The following COL11A1 variants were observed in gnomAD, a reference collection of about 807,000 sequenced individuals.
COL11A1 encodes the protein collagen alpha-1(XI) chain.
A neutral mutation model predicts 265.2 loss-of-function variants in COL11A1; 74 were observed. That is an observed-to-expected ratio of 0.28 (90% CI 0.23 to 0.34). The LOEUF is 0.34. COL11A1 is among the 10% of genes least tolerant of loss of function. The pLI, the probability that COL11A1 is intolerant of heterozygous loss-of-function variation, is 1.00. For missense variants in COL11A1, 2,165 were observed against 2,263.6 expected, an observed-to-expected ratio of 0.96 and a Z score of 0.88; for synonymous variants, 816 against 727.6, an observed-to-expected ratio of 1.12 and a Z score of -1.96.
chr1:102,954,602 T>G (rs1435395166), intron 41 of COL11A1, among the ~76,000 whole-genome samples: 1 of 152,172 alleles, frequency 6.6e-6, no homozygotes, highest in Non-Finnish European at 1.5e-5. Flanking sequence ...CCCAACACTT[T>G]GGGAGGCCGA....
intron 36 of COL11A1, among the ~76,000 whole-genome samples, chr1:102,974,248 A>G (rs1662252291): frequency 6.6e-6 from 1 of 152,220 alleles, no homozygotes; most frequent in Admixed American, 6.5e-5. Context: ...AAATATGAAA[A>G]CAAAGTATTT....
rs3841819 is a variant in COL11A1 at position 103,078,887 on chromosome 1, CA to C, written c.275-17del. 335 of 1,561,284 alleles carry C rather than the reference CA, an allele frequency of 2.1e-4. 2 individuals are homozygous for C. In the East Asian group the frequency reaches 7.4e-3, roughly 35 times the overall value. On this transcript the variant is annotated splice_polypyrimidine_tract_variant and intron_variant, in intron 2 of 66. Coordinates refer to ENST00000370096, the MANE Select transcript of COL11A1 (RefSeq NM_001854.4). ...AAAGTTCCACCTGAGAAGAAAAGGCCAAAGAGTTAGAAATTTCCAATTTCCA... is the reference window on the plus strand; with the variant it reads ...AAAGTTCCACCTGAGAAGAAAAGGCCAAGAGTTAGAAATTTCCAATTTCCA...
intron 4 of COL11A1, among the ~76,000 whole-genome samples, chr1:103,055,719 T>G (rs1383635982): frequency 6.6e-6 from 1 of 152,226 alleles, no homozygotes; most frequent in African/African-American, 2.4e-5. Flanking sequence ...TAAACTTTCT[T>G]AAAATACTAG....
chr1:103,086,050 C>T (rs372748552), intron 1 of COL11A1, among the ~76,000 whole-genome samples: 36 of 151,964 alleles, frequency 2.4e-4, no homozygotes, highest in African/African-American at 8.7e-4. Context: ...AAAAACTCTG[C>T]AAAAATAAAC....
intron 54 of COL11A1, among the ~76,000 whole-genome samples, chr1:102,910,381 A>G (rs1654507366): frequency 6.6e-6 from 1 of 152,064 alleles, no homozygotes; most frequent in Non-Finnish European, 1.5e-5. Flanking sequence ...ATAAATATGT[A>G]CTTTTTTGAC....
chr1:102,937,714 C>A (rs1658290682), intron 44 of COL11A1, among the ~76,000 whole-genome samples: 1 of 152,128 alleles, frequency 6.6e-6, no homozygotes, highest in Non-Finnish European at 1.5e-5. Context: ...TGACACAGAA[C>A]AAAAGCCCTC....
At chr1:103,040,649 T>C (rs959957787) in intron 4 of COL11A1, among the ~76,000 whole-genome samples, 1 of 151,622 alleles carries the variant, frequency 6.6e-6, no homozygotes, top group Non-Finnish European at 1.5e-5. Context: ...AAACATTTGT[T>C]GTCCAAAATA....
In COL11A1 at chr1:102,886,994, A is replaced by G; in HGVS notation, c.4671T>C (p.His1557=). Reference sequence around the variant, plus strand: ...CTGCATCTGCTTGCATGCCTTCAGTATGTCTTCTCGTTTTTTTGGAGGACA... The same window carrying G: ...CTGCATCTGCTTGCATGCCTTCAGTGTGTCTTCTCGTTTTTTTGGAGGACA... ...PILSSKKTRR[H]TEGMQADADD... Residue 1557 remains histidine (H), a synonymous_variant, in exon 63 of 67, where the codon CAT becomes CAC. Transcript: ENST00000370096. The G allele has an allele frequency of 6.2e-7, 1 of 1,613,878 alleles. No homozygotes were observed. The highest frequency in any genetic ancestry group is 2.2e-5 in the East Asian group (1 of 44,866).
intron 49 of COL11A1, among the ~76,000 whole-genome samples, 175 bp downstream of exon 49, chr1:102,920,136 C>T (rs938323791): frequency 4.6e-5 from 7 of 152,054 alleles, no homozygotes; most frequent in Admixed American, 2.6e-4. Context: ...AACCAAAACA[C>T]AATATTGCAA....
intron 31 of COL11A1, among the ~76,000 whole-genome samples, chr1:102,981,703 T>A (rs1663058598): frequency 6.6e-6 from 1 of 151,918 alleles, no homozygotes; most frequent in Admixed American, 6.6e-5. Context: ...GGCCATAAAG[T>A]CAAAGATTAA....
intron 28 of COL11A1, 111 bp downstream of exon 28, chr1:102,995,753 C>A (rs956766003): frequency 2.3e-6 from 2 of 863,598 alleles, no homozygotes; most frequent in Non-Finnish European, 3.9e-6. Context: ...ACTAGCATTG[C>A]GTAGTATGTA....
At chr1:103,080,115 C>T (rs1672288347) in intron 2 of COL11A1, among the ~76,000 whole-genome samples, 1 of 151,692 alleles carries the variant, frequency 6.6e-6, no homozygotes, top group African/African-American at 2.4e-5. Context: ...CGTATGCAGC[C>T]ACTTAATGTA....
At chr1:103,054,810 A>G (rs1046284582) in intron 4 of COL11A1, among the ~76,000 whole-genome samples, 1 of 152,166 alleles carries the variant, frequency 6.6e-6, no homozygotes, top group Non-Finnish European at 1.5e-5. Flanking sequence ...ATGAGGCAGG[A>G]GAATCACTTG....
At chr1:103,038,647 A>G (rs1557981055) in intron 4 of COL11A1, among the ~76,000 whole-genome samples, 1 of 152,140 alleles carries the variant, frequency 6.6e-6, no homozygotes, top group Non-Finnish European at 1.5e-5. Context: ...ATGTCATTTG[A>G]GTGTCATTTG....
chr1:103,014,019 G>A (rs1666344830), intron 13 of COL11A1, among the ~76,000 whole-genome samples: 1 of 151,814 alleles, frequency 6.6e-6, no homozygotes, highest in Non-Finnish European at 1.5e-5. Flanking sequence ...GATTAGGGTT[G>A]GTAAGAAATT....
chr1:103,008,701 T>G (rs1239915782), intron 14 of COL11A1, among the ~76,000 whole-genome samples, 185 bp from the exon 15 acceptor site: 1 of 152,232 alleles, frequency 6.6e-6, no homozygotes, highest in Non-Finnish European at 1.5e-5. Flanking sequence ...TTCTCAATGT[T>G]GATTACATTC....
In COL11A1 at chr1:102,886,899, T is replaced by C. The variant is rs1651052619; in HGVS notation, c.4766A>G (p.Asp1589Gly). 1 of 1,613,748 alleles carries C rather than the reference T, an allele frequency of 6.2e-7. No homozygotes were observed. Among genetic ancestry groups the C allele is most frequent in the South Asian group, 1.1e-5 (1 of 91,084 alleles). Residue 1589 changes from aspartate (D) to glycine (G), a missense_variant, in exon 63 of 67, where the codon GAC becomes GGC. Coordinates refer to ENST00000370096, the MANE Select transcript of COL11A1 (RefSeq NM_001854.4). ...IFGSLNSLKQDIEHMKFPMGT... is the reference protein window; with the variant it reads ...IFGSLNSLKQGIEHMKFPMGT... ...CATTGGAAATTTCATATGCTCAATG[T>C]CTTGTTTCAGGGAATTGAGGGAACC...
At chr1:103,038,134 A>G (rs1344505465) in intron 4 of COL11A1, among the ~76,000 whole-genome samples, 1 of 152,156 alleles carries the variant, frequency 6.6e-6, no homozygotes, top group Admixed American at 6.6e-5. Context: ...AAGCATCTTA[A>G]ACAAAACTTT....
Position 102,883,217 on chromosome 1 carries a change from T to G in COL11A1, c.4953A>C (p.Pro1651=). The stretch of plus-strand genomic sequence containing the variant: ...TACTTACTCCCTCAGATTTTTTGTC[T>G]GGATAAATGCAAGTCTCACCACCAG... ...FTSGGETCIY[P]DKKSEGVRIS... is the part of the protein sequence containing the mutation. Residue 1651 remains proline, a synonymous_variant, in exon 64 of 67, where the codon CCA becomes CCC. Coordinates refer to ENST00000370096, the MANE Select transcript of COL11A1 (RefSeq NM_001854.4). 1 of 1,612,142 alleles carries G rather than the reference T, an allele frequency of 6.2e-7. No homozygotes were observed. The highest frequency in any genetic ancestry group is 1.1e-5 in the South Asian group (1 of 91,048).
Sources: gnomAD v4.1 joint callset for allele counts (sites outside exome capture counted in the v4.1 genomes callset) on GRCh38, gnomAD v4.1.1 for gene constraint, MANE v1.5 for transcripts, NCBI Gene and HGNC (gene_info 2026-07-23, HGNC 2026-07-21) for gene names.